The following CFAP77 variants were observed in gnomAD, a reference collection of about 807,000 sequenced individuals.
CFAP77 encodes cilia- and flagella-associated protein 77.
Under a neutral mutation model 31.1 loss-of-function variants are expected in CFAP77, and 25 were observed. That is an observed-to-expected ratio of 0.80 (90% CI 0.59 to 1.12). The LOEUF (loss-of-function observed/expected upper bound fraction) is 1.12. CFAP77 is among the 50% of genes most tolerant of loss of function. The pLI is 0.00. For missense variants in CFAP77, 377 were observed against 397.3 expected, an observed-to-expected ratio of 0.95 and a Z score of 0.44; for synonymous variants, 151 against 159.9, an observed-to-expected ratio of 0.94 and a Z score of 0.42.
At chr9:132,556,565 C>CA (rs1852908895) in intron 5 of CFAP77, among the ~76,000 whole-genome samples, 1 of 152,204 alleles carries the variant, frequency 6.6e-6, no homozygotes, top group South Asian at 2.1e-4. Context: ...AACACACACA[C>CA]ACTCTCTCCC....
chr9:132,505,257 C>T (rs538968660), intron 3 of CFAP77, among the ~76,000 whole-genome samples: 2 of 152,302 alleles, frequency 1.3e-5, no homozygotes, highest in Admixed American at 6.5e-5. Flanking sequence ...GAGGGGTGCA[C>T]CCCCTCTTCT....
chr9:132,438,666 G>T (rs1227096414), intron 1 of CFAP77, among the ~76,000 whole-genome samples: 2 of 150,100 alleles, frequency 1.3e-5, no homozygotes, highest in African/African-American at 4.9e-5. Flanking sequence ...CTCCTGAGTA[G>T]CTGGGACTAC....
chr9:132,499,560 C>G lies in CFAP77; in HGVS notation c.484C>G (p.Pro162Ala). ...TGACCGGCGCATGAAGAAAGAGCCG[C>G]CCCCTCTCCCTCCAAACATGACATT... ...QDDRRMKKEP[P>A]PLPPNMTFGI... Residue 162 changes from proline to alanine, a missense_variant, in exon 3 of 6, where the codon CCC (proline) becomes GCC (alanine). Transcript: ENST00000393216. This position sits in a 1 kb window ranked among gnomAD's most constrained non-coding sequence, Gnocchi z 5.4. The G allele has an allele frequency of 6.2e-7, 1 of 1,614,216 alleles. No individual in the cohort carries two copies. Among genetic ancestry groups the G allele is most frequent in the East Asian group, 2.2e-5 (1 of 44,878 alleles).
chr9:132,509,026 G>A (rs531991927), intron 3 of CFAP77, among the ~76,000 whole-genome samples: 19 of 152,316 alleles, frequency 1.2e-4, no homozygotes, highest in Admixed American at 9.8e-4. Flanking sequence ...GGCCTGGTGC[G>A]GAGGTGAGTC....
chr9:132,493,845 TTCTTTTCTTTTCTTTTC>T (rs1209287271), intron 1 of CFAP77, among the ~76,000 whole-genome samples: 5 of 151,302 alleles, frequency 3.3e-5, no homozygotes, highest in African/African-American at 7.4e-5. Context: ...TTTCTTTCCT[TTCTTTTCTTTTCTTTTC>T]TCTTTTCTTT....
chr9:132,555,908 G>A (rs869890), intron 5 of CFAP77, among the ~76,000 whole-genome samples: 47,837 of 151,666 alleles, frequency 0.32, 7,881 homozygotes, highest in East Asian at 0.58. Context: ...CACCCACGGC[G>A]TACACGATAC....
chr9:132,420,117 C>T (rs552583538), intron 1 of CFAP77, among the ~76,000 whole-genome samples: 6 of 148,786 alleles, frequency 4.0e-5, no homozygotes, highest in African/African-American at 1.5e-4. Context: ...GCTATGATCA[C>T]ACCACTGCAC....
rs1829978560 is a variant in CFAP77, at chr9:132,572,808, G to C, written c.*298G>C. 1 of 408,682 alleles carries C rather than the reference G, an allele frequency of 2.4e-6. No individual in the cohort carries two copies. Among genetic ancestry groups the C allele is most frequent in the Non-Finnish European group, 4.3e-6 (1 of 230,202 alleles). The allele number at this position is 408,682 out of a possible 1,614,324, so 25.3% of individuals were successfully genotyped here. On this transcript the variant is annotated 3_prime_UTR_variant, in exon 6 of 6. Coordinates refer to ENST00000393216, the MANE Select transcript of CFAP77 (RefSeq NM_001282957.2). Reference sequence around the variant, plus strand: ...CTCAAGCCCTCACCTGCCAAGACAAGCCCAAATTACAAGACAATTTTTTAG... The same window carrying C: ...CTCAAGCCCTCACCTGCCAAGACAACCCCAAATTACAAGACAATTTTTTAG...
chr9:132,571,354 T>C (rs986118069), intron 5 of CFAP77, among the ~76,000 whole-genome samples: 1 of 152,032 alleles, frequency 6.6e-6, no homozygotes, highest in African/African-American at 2.4e-5. Flanking sequence ...TCCCAACCCA[T>C]CCTTCGAGAC....
At chr9:132,550,828 C>T (rs1193074788) in intron 5 of CFAP77, among the ~76,000 whole-genome samples, 1 of 152,150 alleles carries the variant, frequency 6.6e-6, no homozygotes, top group East Asian at 1.9e-4. Context: ...ATGGTGCCAT[C>T]TGATATGGGG....
chr9:132,503,164 A>C (rs1225351798), intron 3 of CFAP77, among the ~76,000 whole-genome samples: 1 of 152,200 alleles, frequency 6.6e-6, no homozygotes, highest in African/African-American at 2.4e-5. Context: ...ACTCCTGTAC[A>C]TCGTCCTCCC....
At chr9:132,558,015 T>C (rs1169799690) in intron 5 of CFAP77, among the ~76,000 whole-genome samples, 1 of 152,174 alleles carries the variant, frequency 6.6e-6, no homozygotes. Flanking sequence ...TAATCAATCG[T>C]TGTGTACTTT....
intron 3 of CFAP77, among the ~76,000 whole-genome samples, chr9:132,525,722 A>G (rs1852347163): frequency 6.6e-6 from 1 of 152,204 alleles, no homozygotes; most frequent in Non-Finnish European, 1.5e-5. Flanking sequence ...CTGTCATCCA[A>G]AGATCTTCCT....
intron 1 of CFAP77, among the ~76,000 whole-genome samples, chr9:132,422,101 C>G (rs1850226257): frequency 6.6e-6 from 1 of 152,110 alleles, no homozygotes; most frequent in African/African-American, 2.4e-5. Flanking sequence ...CTCCGCCACC[C>G]AGGTTCAAGT....
intron 1 of CFAP77, among the ~76,000 whole-genome samples, chr9:132,429,984 G>T (rs1850384332): frequency 6.6e-6 from 1 of 152,106 alleles, no homozygotes; most frequent in Admixed American, 6.5e-5. Context: ...TGCTTCCAAA[G>T]CAGCTCCCCG....
At chr9:132,484,965 C>T (rs973577023) in intron 1 of CFAP77, among the ~76,000 whole-genome samples, 1 of 152,106 alleles carries the variant, frequency 6.6e-6, no homozygotes, top group Middle Eastern at 3.4e-3. Flanking sequence ...TCTCCCGCCT[C>T]AACCTCCCCT....
chr9:132,499,689 T>G lies in CFAP77; in HGVS notation c.524+89T>G. 1 of 1,166,552 alleles carries G rather than the reference T, an allele frequency of 8.6e-7. No homozygotes were observed. 72.3% of individuals were successfully genotyped at this position (1,166,552 alleles called of 1,614,324 possible). A position where few individuals can be genotyped will look rare whatever the true frequency, so the allele number is the denominator to read the frequency against. ...ACAAGGTCGGAGGGTGACAGGGAAG[T>G]GGAGCATCCTCCCAGCCCCACTGTC... On this transcript the variant is annotated intron_variant, in intron 3 of 5. Coordinates refer to ENST00000393216, the MANE Select transcript of CFAP77 (RefSeq NM_001282957.2). The surrounding 1 kb of genome is among the most constrained non-coding windows in gnomAD (Gnocchi z 5.4).
chr9:132,470,372 G>C (rs1379318068), intron 1 of CFAP77, among the ~76,000 whole-genome samples: 2 of 152,150 alleles, frequency 1.3e-5, no homozygotes, highest in Non-Finnish European at 2.9e-5. Context: ...CCTCCAGCTG[G>C]TAAGTGATGG....
intron 1 of CFAP77, among the ~76,000 whole-genome samples, chr9:132,432,624 C>T (rs1416046114): frequency 2.0e-5 from 3 of 151,936 alleles, no homozygotes; most frequent in East Asian, 3.9e-4. Flanking sequence ...CTCTGCCTCC[C>T]GGGTTCAAGC....
Sources: allele counts gnomAD v4.1 joint callset (sites outside exome capture counted in the v4.1 genomes callset), GRCh38; gene constraint gnomAD v4.1.1; non-coding constraint Gnocchi (gnomAD v3.1); transcripts MANE v1.5; gene names NCBI Gene and HGNC (gene_info 2026-07-23, HGNC 2026-07-21).